POLR3B: variants seen among roughly 807,000 people sequenced by gnomAD.
POLR3B encodes RNA polymerase III subunit B.
In POLR3B, 96 loss-of-function variants were observed where a neutral mutation model predicts 147.4. The ratio of observed to expected loss-of-function variants is 0.65; its 90% CI spans 0.55 to 0.77. The LOEUF (loss-of-function observed/expected upper bound fraction) is 0.77, where lower values mean the gene tolerates loss of function less well. Ranked by LOEUF, POLR3B falls within the 30% of genes least tolerant of loss-of-function variation. The probability of loss-of-function intolerance (pLI) is 0.00; values close to 1 mark genes in which losing one functional copy is unlikely to be tolerated. For missense variants in POLR3B, 1,036 were observed against 1,413.5 expected (o/e 0.73, Z 4.28); for synonymous variants, 461 against 485.9 (o/e 0.95, Z 0.67).
At chr12:106,406,924 C>T (rs2037159027) in intron 11 of POLR3B, among the ~76,000 whole-genome samples, 1 of 152,172 alleles carries the variant, frequency 6.6e-6, no homozygotes, top group African/African-American at 2.4e-5. Flanking sequence ...TCAAGGGTTG[C>T]AAACACTACC....
intron 23 of POLR3B, among the ~76,000 whole-genome samples, chr12:106,494,880 A>G (rs1431123352): frequency 6.6e-6 from 1 of 152,240 alleles, no homozygotes. Context: ...AAATCAGAAT[A>G]TTAATAACCA....
chr12:106,448,500 G>A (rs1315003500), intron 19 of POLR3B, among the ~76,000 whole-genome samples: 1 of 126,288 alleles, frequency 7.9e-6, no homozygotes, highest in East Asian at 2.5e-4. Flanking sequence ...GCAGTGGCAC[G>A]ATCACAACTC....
At chr12:106,509,267 G>A (rs898765017) in intron 27 of POLR3B, among the ~76,000 whole-genome samples, 153 bp from the exon 28 acceptor site, 2 of 152,072 alleles carry the variant, frequency 1.3e-5, no homozygotes, top group Non-Finnish European at 2.9e-5. Context: ...GGGCACATAC[G>A]TACTTATATG....
intron 1 of POLR3B, among the ~76,000 whole-genome samples, chr12:106,362,969 G>A (rs937024918): frequency 1.9e-4 from 29 of 151,870 alleles, no homozygotes; most frequent in South Asian, 4.2e-4. Context: ...TTTGATTTCC[G>A]TCATCATAGA....
Position 106,496,812 on chromosome 12 carries a change from T to C in POLR3B, c.2878T>C (p.Tyr960His). The C allele has an allele frequency of 6.2e-7, 1 of 1,614,124 alleles. No individual in the cohort carries two copies. The highest frequency in any genetic ancestry group is 8.5e-7 in the Non-Finnish European group (1 of 1,179,992). ...KAGVLDGRFH[Y>H]GTAFGGSKVK... ...CGGTGTGCTGGACGGCAGATTCCAC[T>C]ACGGCACTGCGTTTGGAGGCAGTAA... Residue 960 changes from tyrosine (Y) to histidine (H), a missense_variant, in exon 25 of 28, where the codon TAC becomes CAC. Physicochemically the swap from Tyr to His is moderately conservative, Grantham distance 83. This residue lies in a region of POLR3B where 88 missense variants were observed against 87.5 expected (regional missense o/e 1.01). Coordinates refer to ENST00000228347, the MANE Select transcript of POLR3B (RefSeq NM_018082.6).
intron 23 of POLR3B, among the ~76,000 whole-genome samples, chr12:106,465,885 C>A (rs1464850357): frequency 6.6e-6 from 1 of 152,102 alleles, no homozygotes; most frequent in East Asian, 1.9e-4. Context: ...GGGTTGGTTC[C>A]AAGTCTTTAC....
At position 106,451,633 on chromosome 12, in the gene POLR3B, CG is replaced by C. The variant is rs1555214725; in HGVS notation, c.2084-2861del. On this transcript the variant is annotated intron_variant, in intron 19 of 27. Transcript: ENST00000228347. ...TGAGACTCTGTTATTTAAAAAAAGGCGGGGGGGGAGGAGAGGGGAGGGAAGG... is the reference window on the plus strand; with the variant it reads ...TGAGACTCTGTTATTTAAAAAAAGGCGGGGGGGAGGAGAGGGGAGGGAAGG... Among the ~76,000 whole-genome samples the C allele has an allele frequency of 5.5e-3, 127 of 23,040 alleles. 1 individual carries two copies. The East Asian group carries it at 0.089, about 16-fold the overall frequency. 15.1% of individuals were successfully genotyped at this position (23,040 alleles called of 152,430 possible). A position where few individuals can be genotyped will look rare whatever the true frequency, so the allele number is the denominator to read the frequency against.
chr12:106,421,887 A>G (rs1003549229), intron 12 of POLR3B, among the ~76,000 whole-genome samples: 9 of 151,936 alleles, frequency 5.9e-5, no homozygotes, highest in African/African-American at 2.2e-4. Context: ...TTTAGTAGAG[A>G]TGGAGTTTCA....
chr12:106,367,825 T>C (rs1167390785), intron 4 of POLR3B, among the ~76,000 whole-genome samples: 3 of 152,344 alleles, frequency 2.0e-5, no homozygotes, highest in Non-Finnish European at 4.4e-5. Context: ...ACTATGCAAA[T>C]ACCGTTTCTC....
At position 106,357,959 on chromosome 12, in the gene POLR3B, C is replaced by G. The variant is rs747369925; in HGVS notation, c.72+8C>G. On this transcript the variant is annotated splice_region_variant and intron_variant, in intron 1 of 27. Transcript: ENST00000228347. ...CCGATCCCGACTGTAGAGGTCAGTG[C>G]CAGGCACGCAGGGAGCGTCAGGGAC... 6.8e-6 allele frequency: 11 copies of G among 1,612,104 alleles called. No homozygotes were observed. Among genetic ancestry groups the G allele is most frequent in the Non-Finnish European group, 9.3e-6 (11 of 1,179,842 alleles).
chr12:106,478,182 C>T (rs1203148300), intron 23 of POLR3B, among the ~76,000 whole-genome samples: 3 of 152,094 alleles, frequency 2.0e-5, no homozygotes, highest in South Asian at 2.1e-4. Flanking sequence ...GCTGGGATTA[C>T]AGACGTGAGC....
intron 19 of POLR3B, among the ~76,000 whole-genome samples, chr12:106,450,704 T>C (rs1057304796): frequency 6.6e-6 from 1 of 152,088 alleles, no homozygotes; most frequent in Non-Finnish European, 1.5e-5. Flanking sequence ...TAAGTGTTGG[T>C]GAGGATGTGG....
chr12:106,359,592 G>A (rs922594962), intron 1 of POLR3B, among the ~76,000 whole-genome samples: 4 of 152,238 alleles, frequency 2.6e-5, no homozygotes, highest in Admixed American at 6.5e-5. Flanking sequence ...GCCTCCCAAC[G>A]TGCTGGGATT....
In POLR3B at chr12:106,357,809, C is replaced by T; in HGVS notation, c.-71C>T. 6.9e-7 allele frequency: 1 copy of T among 1,459,088 alleles called. No individual in the cohort carries two copies. The highest frequency in any genetic ancestry group is 9.5e-7 in the Non-Finnish European group (1 of 1,054,046). The allele number at this position is 1,459,088 out of a possible 1,614,324, so 90.4% of individuals were successfully genotyped here. A position where few individuals can be genotyped will look rare whatever the true frequency, so the allele number is the denominator to read the frequency against. ...CCTCCGCGCACCGTTCGCCGGGAGT[C>T]TTGCAGTTTGCTTGGTGCAGGGAAG... On this transcript the variant is annotated 5_prime_UTR_variant, in exon 1 of 28. Coordinates refer to ENST00000228347, the MANE Select transcript of POLR3B (RefSeq NM_018082.6).
chr12:106,380,728 A>C (rs1056355357), intron 9 of POLR3B, among the ~76,000 whole-genome samples: 1 of 152,208 alleles, frequency 6.6e-6, no homozygotes, highest in East Asian at 1.9e-4. Context: ...CAGCCTGGGC[A>C]ACATAGCAAG....
chr12:106,425,052 C>A (rs1467202843), intron 12 of POLR3B, among the ~76,000 whole-genome samples: 1 of 152,090 alleles, frequency 6.6e-6, no homozygotes, highest in Non-Finnish European at 1.5e-5. Flanking sequence ...ATATTATCTG[C>A]AAGTAAAGAC....
rs2038601056 is a variant in POLR3B at position 106,501,499 on chromosome 12, G to A, written c.3098+63G>A. Reference sequence around the variant, plus strand: ...AGTCAAGTCCACCTTGTATTTTCCAGATATGGCAAAAAGCAGACTCAACAA... The same window carrying A: ...AGTCAAGTCCACCTTGTATTTTCCAAATATGGCAAAAAGCAGACTCAACAA... On this transcript the variant is annotated intron_variant, in intron 26 of 27. Coordinates refer to ENST00000228347, the MANE Select transcript of POLR3B (RefSeq NM_018082.6). 4.9e-6 allele frequency: 5 copies of A among 1,027,188 alleles called. 1 individual carries two copies. The Admixed American group carries it at 5.6e-5, about 11-fold the overall frequency. 63.6% of individuals were successfully genotyped at this position (1,027,188 alleles called of 1,614,324 possible).
intron 10 of POLR3B, among the ~76,000 whole-genome samples, chr12:106,397,446 T>C (rs2036994671): frequency 6.6e-6 from 1 of 152,216 alleles, no homozygotes; most frequent in Non-Finnish European, 1.5e-5. Flanking sequence ...TTTTCCCCAC[T>C]ATTCTGATTT....
intron 19 of POLR3B, chr12:106,446,437 A>G (rs1325373734): frequency 8.8e-6 from 3 of 341,082 alleles, no homozygotes; most frequent in Non-Finnish European, 1.1e-5. Flanking sequence ...AAAAAAAAAG[A>G]AAAGAGAAAC....
Sources: gnomAD v4.1 joint callset for allele counts (sites outside exome capture counted in the v4.1 genomes callset) on GRCh38, gnomAD v4.1.1 for gene constraint, gnomAD v4.1.1 regional missense constraint, MANE v1.5 for transcripts, NCBI Gene and HGNC (gene_info 2026-07-23, HGNC 2026-07-21) for gene names.